COL4A1: variants seen among roughly 807,000 people sequenced by gnomAD.
The protein encoded by COL4A1 is collagen alpha-1(IV) chain.
Under a neutral mutation model 216.6 loss-of-function variants are expected in COL4A1, and 40 were observed. The ratio of observed to expected loss-of-function variants is 0.18; its 90% CI spans 0.14 to 0.24. COL4A1 has a LOEUF of 0.24. COL4A1 is among the 10% of genes least tolerant of loss of function. The probability of loss-of-function intolerance (pLI) is 1.00; values close to 1 mark genes in which losing one functional copy is unlikely to be tolerated. For synonymous variants in COL4A1, 839 were observed against 810.7 expected, an observed-to-expected ratio of 1.03 and a Z score of -0.59; for missense variants, 1,628 against 2,196.8, an observed-to-expected ratio of 0.74 and a Z score of 5.18.
At chr13:110,172,803 TTTAC>T in intron 40 of COL4A1, 33 bp from the exon 41 acceptor site, 1 of 1,593,542 alleles carries the variant, frequency 6.3e-7, no homozygotes. Flanking sequence ...CACGTTTCTC[TTTAC>T]TTAAACAATC....
At chr13:110,274,669 G>A (rs1049639065) in intron 1 of COL4A1, among the ~76,000 whole-genome samples, 3 of 152,210 alleles carry the variant, frequency 2.0e-5, no homozygotes, top group South Asian at 2.1e-4. Flanking sequence ...AATGGGAGGA[G>A]TGTCAGGAAA....
At chr13:110,232,932 C>T (rs764494952) in intron 2 of COL4A1, among the ~76,000 whole-genome samples, 8 of 152,128 alleles carry the variant, frequency 5.3e-5, no homozygotes, top group African/African-American at 9.7e-5. Context: ...GCAGATTTTA[C>T]GGTGGGCAGA....
At chr13:110,289,297 G>C (rs1400408206) in intron 1 of COL4A1, among the ~76,000 whole-genome samples, 5 of 152,128 alleles carry the variant, frequency 3.3e-5, no homozygotes, top group East Asian at 3.9e-4. Flanking sequence ...ATCCAGGCCG[G>C]GGTGCCATCC....
At chr13:110,264,058 C>G (rs1395944700) in intron 1 of COL4A1, among the ~76,000 whole-genome samples, 2 of 152,168 alleles carry the variant, frequency 1.3e-5, no homozygotes, top group African/African-American at 4.8e-5. Flanking sequence ...AGCTGTGCTC[C>G]CAGCCTGCTC....
Position 110,155,455 on chromosome 13 carries a change from C to T in COL4A1, c.4641-58G>A, listed in dbSNP as rs776274526. 1.2e-4 allele frequency: 139 copies of T among 1,116,732 alleles called. 1 individual carries two copies. The highest frequency in any genetic ancestry group is 1.7e-4 in the Non-Finnish European group (127 of 736,516). The allele number at this position is 1,116,732 out of a possible 1,614,324, so 69.2% of individuals were successfully genotyped here. ...GGGGTGCAGGGCAGAGGCCGCCCTCCATGCACTGCCCCGTTACCTACACTC... is the reference window on the plus strand; with the variant it reads ...GGGGTGCAGGGCAGAGGCCGCCCTCTATGCACTGCCCCGTTACCTACACTC... On this transcript the variant is annotated intron_variant, in intron 49 of 51. Transcript: ENST00000375820.
In COL4A1 at chr13:110,209,010, ACT is replaced by A. The variant is rs1268493677; in HGVS notation, c.652-122_652-121del. Reference sequence around the variant, plus strand: ...TTTCAGGCAATAGCTTTGTCCCATAACTCTCATAAAATTTTCTGGAAAGTAAC... The same window carrying A: ...TTTCAGGCAATAGCTTTGTCCCATAACTCATAAAATTTTCTGGAAAGTAAC... On this transcript the variant is annotated intron_variant, in intron 11 of 51. Transcript: ENST00000375820. The A allele has an allele frequency of 7.6e-6, 8 of 1,056,814 alleles. No homozygotes were observed. The East Asian group carries it at 1.7e-4, about 22-fold the overall frequency. The allele number at this position is 1,056,814 out of a possible 1,614,324, so 65.5% of individuals were successfully genotyped here.
chr13:110,156,140 T>C (rs1214869215), intron 49 of COL4A1, among the ~76,000 whole-genome samples: 2 of 152,112 alleles, frequency 1.3e-5, no homozygotes, highest in Non-Finnish European at 2.9e-5. Context: ...AAGGGGAAAA[T>C]AGGAAGGCAA....
intron 2 of COL4A1, among the ~76,000 whole-genome samples, chr13:110,230,207 T>C (rs9588120): frequency 0.23 from 34,456 of 151,914 alleles, 4,073 homozygotes; most frequent in Non-Finnish European, 0.24. Context: ...GCACGGTGTG[T>C]GTTCCATGTA....
intron 2 of COL4A1, among the ~76,000 whole-genome samples, chr13:110,235,377 G>A (rs7981579): frequency 4.6e-4 from 70 of 152,244 alleles, no homozygotes; most frequent in African/African-American, 1.5e-3. Flanking sequence ...GATGCCGGGC[G>A]CAGTGGCTCA....
intron 21 of COL4A1, among the ~76,000 whole-genome samples, 181 bp from the exon 22 acceptor site, chr13:110,195,299 C>A (rs1878835654): frequency 6.6e-6 from 1 of 152,216 alleles, no homozygotes; most frequent in Admixed American, 6.5e-5. Context: ...TCACCACACA[C>A]CACCCACCAC....
chr13:110,203,634 G>A lies in COL4A1; in HGVS notation c.958-27C>T, dbSNP rs369069161. The A allele has an allele frequency of 3.7e-5, 59 of 1,612,690 alleles. No individual in the cohort carries two copies. In the African/African-American group the frequency reaches 6.9e-4, roughly 19 times the overall value. On this transcript the variant is annotated intron_variant, in intron 17 of 51. Transcript: ENST00000375820. ...TACAAAAGAAAAAATAACTTTCCTT[G>A]CATATTCTTACTATAAAGATTGTCT...
rs552258998 is a variant in COL4A1, at chr13:110,170,588, G to A, written c.3701C>T (p.Pro1234Leu). The change falls in exon 42 of 52, where the codon CCC becomes CTC. Residue 1234 changes from proline (P) to leucine (L), a missense_variant. Physicochemically the swap from Pro to Leu is moderately conservative, Grantham distance 98 (BLOSUM62 -3). Coordinates refer to ENST00000375820, the MANE Select transcript of COL4A1 (RefSeq NM_001845.6). ...PGSPGHATEGPKGDRGPQGQP... is the reference protein window; with the variant it reads ...PGSPGHATEGLKGDRGPQGQP... ...GCCCTGAGGTCCGCGGTCTCCTTTGGGCCCCTCCGTGGCATGGCCTGGGGA... is the reference window on the plus strand; with the variant it reads ...GCCCTGAGGTCCGCGGTCTCCTTTGAGCCCCTCCGTGGCATGGCCTGGGGA... 7 of 1,610,114 alleles carry A rather than the reference G, an allele frequency of 4.3e-6. No individual in the cohort carries two copies. The African/African-American group carries it at 6.7e-5, about 15-fold the overall frequency.
chr13:110,248,995 G>T (rs577829773), intron 1 of COL4A1, among the ~76,000 whole-genome samples: 1 of 152,002 alleles, frequency 6.6e-6, no homozygotes. Flanking sequence ...TTTTAACCGC[G>T]GTGGCTGTGA....
chr13:110,204,945 A>C (rs761373804), intron 17 of COL4A1, among the ~76,000 whole-genome samples: 3 of 152,218 alleles, frequency 2.0e-5, no homozygotes, highest in Non-Finnish European at 4.4e-5. Context: ...TTACGTGAAA[A>C]AGCAAGATGT....
At chr13:110,246,180 A>C (rs1881804376) in intron 1 of COL4A1, among the ~76,000 whole-genome samples, 1 of 151,928 alleles carries the variant, frequency 6.6e-6, no homozygotes, top group Non-Finnish European at 1.5e-5. Context: ...CTTTAGAATG[A>C]CAAGAATGAC....
chr13:110,198,070 G>A (rs1422549258), intron 21 of COL4A1, among the ~76,000 whole-genome samples: 3 of 132,204 alleles, frequency 2.3e-5, no homozygotes, highest in Non-Finnish European at 4.7e-5. Context: ...TGTCTTCCTT[G>A]TTTCTGGGGT....
chr13:110,298,100 T>C (rs1348178011), intron 1 of COL4A1, among the ~76,000 whole-genome samples: 1 of 152,104 alleles, frequency 6.6e-6, no homozygotes, highest in East Asian at 1.9e-4. Context: ...AAAATATCTA[T>C]GATCAACATG....
chr13:110,196,597 AAAAC>A lies in COL4A1; in HGVS notation c.1286-1483_1286-1480del, dbSNP rs1298394873. 1.0e-4 allele frequency among the ~76,000 whole-genome samples: 14 copies of A among 139,762 alleles called. 1 individual carries two copies. The highest frequency in any genetic ancestry group is 3.5e-4 in the African/African-American group (13 of 37,484). The allele number at this position is 139,762 out of a possible 152,430, so 91.7% of individuals were successfully genotyped here. A position where few individuals can be genotyped will look rare whatever the true frequency, so the allele number is the denominator to read the frequency against. On this transcript the variant is annotated intron_variant, in intron 21 of 51. Transcript: ENST00000375820. ...TCCCTGACAAAAAAACAAAAAACAA[AAAAC>A]AAACAAACAAAAAAAAAATAGTACA...
chr13:110,259,042 C>T (rs1882698010), intron 1 of COL4A1, among the ~76,000 whole-genome samples: 1 of 152,358 alleles, frequency 6.6e-6, no homozygotes, highest in Admixed American at 6.5e-5. Context: ...TGACACGGGG[C>T]CGCCCGGTCC....
Sources: gnomAD v4.1 joint callset for allele counts (sites outside exome capture counted in the v4.1 genomes callset) on GRCh38, gnomAD v4.1.1 for gene constraint, MANE v1.5 for transcripts, NCBI Gene and HGNC (gene_info 2026-07-23, HGNC 2026-07-21) for gene names.